The following KLHL21 variants were observed in gnomAD, a reference collection of about 807,000 sequenced individuals.
The protein encoded by KLHL21 is kelch like family member 21, also known as kelch-like protein 21.
KLHL21 carries 42 observed loss-of-function variants against 44.1 expected under a neutral mutation model. That is an observed-to-expected ratio of 0.95 (90% confidence interval 0.74 to 1.23). KLHL21 has a LOEUF of 1.23. Ranked by LOEUF, KLHL21 falls within the 50% of genes most tolerant of loss-of-function variation. KLHL21 has a pLI of 0.00. For missense variants in KLHL21, 918 were observed against 889.1 expected, an observed-to-expected ratio of 1.03 and a Z score of -0.41; for synonymous variants, 524 against 411.6, an observed-to-expected ratio of 1.27 and a Z score of -3.31.
In KLHL21 at chr1:6,599,466, T is replaced by C. The variant is rs756955571; in HGVS notation, c.1022-14A>G. 5.7e-6 allele frequency: 9 copies of C among 1,588,564 alleles called. No homozygotes were observed. Among genetic ancestry groups the C allele is most frequent in the Middle Eastern group, 1.7e-4 (1 of 5,974 alleles). ...CATCGGACCCACCTGCCAGGACGCA[T>C]GACAGGCAGAAGATCAGCCCACTCA... On this transcript the variant is annotated splice_polypyrimidine_tract_variant and intron_variant, in intron 1 of 3. Transcript: ENST00000377658.
chr1:6,590,756 T>C lies in KLHL21; in HGVS notation c.*2609A>G, dbSNP rs1489840271. 1.3e-5 allele frequency: 5 copies of C among 393,482 alleles called. No homozygotes were observed. The highest frequency in any genetic ancestry group is 7.2e-5 in the East Asian group (2 of 27,884). The allele number at this position is 393,482 out of a possible 1,614,324, so 24.4% of individuals were successfully genotyped here. A position where few individuals can be genotyped will look rare whatever the true frequency, so the allele number is the denominator to read the frequency against. On this transcript the variant is annotated 3_prime_UTR_variant, in exon 4 of 4. Coordinates refer to ENST00000377658, the MANE Select transcript of KLHL21 (RefSeq NM_014851.4). The stretch of plus-strand genomic sequence containing the variant: ...GAAATACTTTTATTGCAAAAAGTAC[T>C]GAAGGTACCCTAAAACCTTAAGCAG...
chr1:6,595,595 G>A (rs375665875), intron 2 of KLHL21, 38 bp from the exon 3 acceptor site: 145 of 1,573,698 alleles, frequency 9.2e-5, no homozygotes, highest in Non-Finnish European at 1.2e-4. Context: ...TGCTCAGAGC[G>A]AGGAGGAAGT....
chr1:6,600,044 GTATTATTAT>G (rs369256086), intron 1 of KLHL21, among the ~76,000 whole-genome samples: 1 of 151,854 alleles, frequency 6.6e-6, no homozygotes, highest in African/African-American at 2.4e-5. Flanking sequence ...TCTTCTGCCT[GTATTATTAT>G]TATTATTTTT....
In KLHL21 at chr1:6,593,021, C is replaced by G; in HGVS notation, c.*344G>C. ...CGTCCCTCCCAAGTCATCGTCCTCT[C>G]CCAAGGTGGGAACAAGTAGGTGCAG... On this transcript the variant is annotated 3_prime_UTR_variant, in exon 4 of 4. Coordinates refer to ENST00000377658, the MANE Select transcript of KLHL21 (RefSeq NM_014851.4). The G allele has an allele frequency of 3.5e-6, 1 of 283,408 alleles. No individual in the cohort carries two copies. The highest frequency in any genetic ancestry group is 6.7e-6 in the Non-Finnish European group (1 of 149,244). 17.6% of individuals were successfully genotyped at this position (283,408 alleles called of 1,614,324 possible). A position where few individuals can be genotyped will look rare whatever the true frequency, so the allele number is the denominator to read the frequency against.
At chr1:6,600,012 A>G (rs1485004964) in intron 1 of KLHL21, among the ~76,000 whole-genome samples, 2 of 152,120 alleles carry the variant, frequency 1.3e-5, no homozygotes, top group African/African-American at 2.4e-5. Context: ...AAGCTGTGTA[A>G]GTATAATATA....
rs1326967009 is a variant in KLHL21, at chr1:6,602,745, G to A, written c.73C>T (p.Leu25=). Residue 25 remains leucine, a synonymous_variant, in exon 1 of 4, where the codon CTG becomes TTG. Transcript: ENST00000377658. ...PAHALSLLRG[L]SQLRAERKFL... is the part of the protein sequence containing the mutation. ...TTGCGCTCGGCGCGCAGCTGGCTCAGGCCGCGCAGCAGGCTCAGGGCGTGC... is the reference window on the plus strand; with the variant it reads ...TTGCGCTCGGCGCGCAGCTGGCTCAAGCCGCGCAGCAGGCTCAGGGCGTGC... 1.3e-6 allele frequency: 2 copies of A among 1,510,814 alleles called. No homozygotes were observed. The highest frequency in any genetic ancestry group is 1.8e-6 in the Non-Finnish European group (2 of 1,137,140). The allele number at this position is 1,510,814 out of a possible 1,614,324, so 93.6% of individuals were successfully genotyped here.
intron 2 of KLHL21, among the ~76,000 whole-genome samples, chr1:6,595,815 T>C (rs1009524478): frequency 2.0e-5 from 3 of 152,246 alleles, no homozygotes; most frequent in Admixed American, 6.5e-5. Context: ...TTTTGAGTAC[T>C]TGAAGCCCAT....
Position 6,599,291 on chromosome 1 carries a change from A to G in KLHL21, c.1183T>C (p.Tyr395His). The G allele has an allele frequency of 6.2e-7, 1 of 1,614,004 alleles. No individual in the cohort carries two copies. The highest frequency in any genetic ancestry group is 8.5e-7 in the Non-Finnish European group (1 of 1,180,006). Residue 395 changes from tyrosine to histidine, a missense_variant, in exon 2 of 4, where the codon TAT (tyrosine) becomes CAT (histidine). Transcript: ENST00000377658. ...TCCCAGGAGTCAGTGGTGTGGTCAT[A>G]GCGCTCGGTGCTGTCGGCGGCCACC... ...YVVAADSTER[Y>H]DHTTDSWEAL...
rs1472933523 is a variant in KLHL21, at chr1:6,597,293, CA to C, written c.1428-1737del. ...ACCCAGCAGGCAGACCTCCCTGGCG[CA>C]CATCTTCACATCTTGCTCTAGGACA... On this transcript the variant is annotated intron_variant, in intron 2 of 3. Transcript: ENST00000377658. Among the ~76,000 whole-genome samples the C allele has an allele frequency of 2.0e-5, 3 of 152,184 alleles. No homozygotes were observed. The East Asian group carries it at 5.8e-4, about 29-fold the overall frequency.
At chr1:6,598,318 C>T (rs955101969) in intron 2 of KLHL21, among the ~76,000 whole-genome samples, 1 of 152,150 alleles carries the variant, frequency 6.6e-6, no homozygotes, top group Non-Finnish European at 1.5e-5. Context: ...GCCTATAATC[C>T]CAGCACTTTG....
intron 3 of KLHL21, 147 bp downstream of exon 3, chr1:6,595,338 C>A: frequency 1.3e-6 from 1 of 750,668 alleles, no homozygotes; most frequent in Non-Finnish European, 2.4e-6. Context: ...GCCTTAAGTG[C>A]AAAATAAGGG....
At chr1:6,593,890 G>A (rs1330011250) in intron 3 of KLHL21, 10 of 1,306,234 alleles carry the variant, frequency 7.7e-6, no homozygotes, top group South Asian at 2.6e-5. Flanking sequence ...CCGCTGCAGC[G>A]CCAGGCCTCC....
intron 2 of KLHL21, among the ~76,000 whole-genome samples, chr1:6,598,127 G>A (rs983803793): frequency 3.3e-5 from 5 of 152,232 alleles, no homozygotes; most frequent in African/African-American, 9.6e-5. Context: ...AACAAGCACT[G>A]TGGGCTCCGA....
At chr1:6,596,220 G>C (rs1227171099) in intron 2 of KLHL21, among the ~76,000 whole-genome samples, 1 of 152,240 alleles carries the variant, frequency 6.6e-6, no homozygotes, top group Non-Finnish European at 1.5e-5. Context: ...CCAACACGAT[G>C]AAACCCCGTC....
Position 6,593,367 on chromosome 1 carries a change from A to C in KLHL21, c.1792T>G (p.Ter598GluextTer138). 6.3e-7 allele frequency: 1 copy of C among 1,586,358 alleles called. No individual in the cohort carries two copies. Among genetic ancestry groups the C allele is most frequent in the Non-Finnish European group, 8.6e-7 (1 of 1,166,802 alleles). ...RPPRDPDELH[*>E] The stretch of plus-strand genomic sequence containing the variant: ...GCCCGTGCCGGGCCAGACTGGGGCT[A>C]GTGCAGCTCATCGGGGTCCCGCGGC... Residue 598 changes from the stop codon to glutamate, a stop_lost, in exon 4 of 4, where the codon TAG (stop) becomes GAG (glutamate). Transcript: ENST00000377658.
chr1:6,593,609 G>A lies in KLHL21; in HGVS notation c.1550C>T (p.Ser517Phe), dbSNP rs1219825842. Residue 517 changes from serine (S) to phenylalanine (F), a missense_variant, in exon 4 of 4, where the codon TCT becomes TTT. Ser to Phe is a radical substitution (Grantham distance 155). Coordinates refer to ENST00000377658, the MANE Select transcript of KLHL21 (RefSeq NM_014851.4). ...LAVLGGKLYV[S>F]GGYDNTFELS... ...TTCAAATGTATTGTCGTATCCCCCA[G>A]AGACGTACAGCTTCCCCCCAAGGAC... 1 of 1,606,790 alleles carries A rather than the reference G, an allele frequency of 6.2e-7. No homozygotes were observed. The highest frequency in any genetic ancestry group is 1.1e-5 in the South Asian group (1 of 90,746).
Position 6,602,796 on chromosome 1 carries a change from C to A in KLHL21, c.22G>T (p.Ala8Ser). Residue 8 changes from alanine (A) to serine (S), a missense_variant, in exon 1 of 4, where the codon GCC becomes TCC. Ala to Ser is a moderately conservative substitution (Grantham distance 99). Transcript: ENST00000377658. MERPAPL[A>S]VLPFSDPAHA... The stretch of plus-strand genomic sequence containing the variant: ...GCGGGGTCCGAGAAGGGAAGCACGG[C>A]CAGGGGCGCCGGTCGCTCCATGGCG... The A allele has an allele frequency of 6.8e-7, 1 of 1,465,644 alleles. No individual in the cohort carries two copies. Among genetic ancestry groups the A allele is most frequent in the Non-Finnish European group, 8.9e-7 (1 of 1,118,790 alleles). 90.8% of individuals were successfully genotyped at this position (1,465,644 alleles called of 1,614,324 possible).
chr1:6,598,225 A>G (rs1043062784), intron 2 of KLHL21, among the ~76,000 whole-genome samples: 21 of 152,212 alleles, frequency 1.4e-4, no homozygotes, highest in African/African-American at 5.1e-4. Flanking sequence ...GTTTGAAGCT[A>G]GGAATTTGAG....
In KLHL21 at chr1:6,593,389, C is replaced by T. The variant is rs533804098; in HGVS notation, c.1770G>A (p.Pro590=). The change falls in exon 4 of 4, where the codon CCG becomes CCA. Residue 590 remains proline (P), a synonymous_variant. Transcript: ENST00000377658. Reference sequence around the variant, plus strand: ...GCTAGTGCAGCTCATCGGGGTCCCGCGGCGGCCGGGGTCGGCCTGGGTCCA... The same window carrying T: ...GCTAGTGCAGCTCATCGGGGTCCCGTGGCGGCCGGGGTCGGCCTGGGTCCA... The part of the protein sequence containing the change: ...DDMDPGRPRP[P]RDPDELH The T allele has an allele frequency of 4.5e-5, 72 of 1,602,468 alleles. No homozygotes were observed. Among genetic ancestry groups the T allele is most frequent in the South Asian group, 6.6e-5 (6 of 90,684 alleles).
Sources: allele counts gnomAD v4.1 joint callset (sites outside exome capture counted in the v4.1 genomes callset), GRCh38; gene constraint gnomAD v4.1.1; transcripts MANE v1.5; gene names NCBI Gene and HGNC (gene_info 2026-07-23, HGNC 2026-07-21).